ENOSF1: variants seen among roughly 807,000 people sequenced by gnomAD.
ENOSF1 encodes enolase superfamily member 1.
ENOSF1 carries 73 observed loss-of-function variants against 68.2 expected under a neutral mutation model. The observed-to-expected ratio is 1.07, with a 90% CI of 0.89 to 1.30. ENOSF1 has a LOEUF of 1.30. Among genes scored for constraint, ENOSF1 ranks in the 50% most tolerant of loss-of-function variants. ENOSF1 has a pLI of 0.00. For missense variants in ENOSF1, 589 were observed against 554.5 expected (o/e 1.06, Z -0.62); for synonymous variants, 223 against 210.4 (o/e 1.06, Z -0.52).
chr18:680,416 T>C (rs1382853724), intron 11 of ENOSF1, among the ~76,000 whole-genome samples: 1 of 152,230 alleles, frequency 6.6e-6, no homozygotes, highest in Non-Finnish European at 1.5e-5. Flanking sequence ...ATTTGACTTA[T>C]TTGTTCTACC....
At position 693,311 on chromosome 18, in the gene ENOSF1, G is replaced by A. The variant is rs536441122; in HGVS notation, c.423+571C>T. 9 of 1,234,226 alleles carry A rather than the reference G, an allele frequency of 7.3e-6. No homozygotes were observed. In the African/African-American group the frequency reaches 1.1e-4, roughly 15 times the overall value. The allele number at this position is 1,234,226 out of a possible 1,614,324, so 76.5% of individuals were successfully genotyped here. On this transcript the variant is annotated intron_variant, in intron 5 of 15. Transcript: ENST00000647584. The stretch of plus-strand genomic sequence containing the variant: ...TCTTATTCTTGGTGTCAAAGTGACT[G>A]GATAGTATCTTTTCTTTTTTCTTTT...
rs1347495705 is a variant in ENOSF1, at chr18:703,853, T to G, written c.193+2617A>C. The stretch of plus-strand genomic sequence containing the variant: ...TTGGAGGTGGATTTCTCCTGAATGG[T>G]TTAGCACTATCCCATTGGTACTGTC... On this transcript the variant is annotated intron_variant, in intron 2 of 15. Coordinates refer to ENST00000647584, the MANE Select transcript of ENOSF1 (RefSeq NM_017512.7). 3.9e-5 allele frequency among the ~76,000 whole-genome samples: 6 copies of G among 152,220 alleles called. No individual in the cohort carries two copies. In the East Asian group the frequency reaches 1.2e-3, roughly 29 times the overall value.
downstream of ENOSF1, among the ~76,000 whole-genome samples, chr18:665,493 G>GT (rs1216752407): frequency 1.4e-5 from 2 of 144,592 alleles, no homozygotes; most frequent in African/African-American, 2.6e-5. Context: ...TTTTTGAAGG[G>GT]TTTTTTGTGT....
At position 683,392 on chromosome 18, in the gene ENOSF1, G is replaced by C. The variant is rs2076291469; in HGVS notation, c.742-12C>G. On this transcript the variant is annotated splice_polypyrimidine_tract_variant and intron_variant, in intron 10 of 15. Coordinates refer to ENST00000647584, the MANE Select transcript of ENOSF1 (RefSeq NM_017512.7). ...TTGGCATCCATCATCTGCAAAAAGA[G>C]ACTCTTCACAGGGAGGTCAGCCCTG... The C allele has an allele frequency of 6.2e-7, 1 of 1,613,998 alleles. No homozygotes were observed. The highest frequency in any genetic ancestry group is 8.5e-7 in the Non-Finnish European group (1 of 1,179,990).
At chr18:702,634 G>A (rs1420691792) in intron 2 of ENOSF1, among the ~76,000 whole-genome samples, 1 of 152,068 alleles carries the variant, frequency 6.6e-6, no homozygotes, top group African/African-American at 2.4e-5. Context: ...CAGCTACTCG[G>A]GAAGGTGAGG....
downstream of ENOSF1, among the ~76,000 whole-genome samples, chr18:667,553 A>C (rs74708071): frequency 4.3e-3 from 80 of 18,430 alleles, 3 homozygotes; most frequent in African/African-American, 9.8e-3. Flanking sequence ...ATGGTGATGG[A>C]GATGGTGATG....
chr18:706,551 A>G lies in ENOSF1; in HGVS notation c.112T>C (p.Tyr38His). The G allele has an allele frequency of 6.2e-7, 1 of 1,613,800 alleles. No individual in the cohort carries two copies. The highest frequency in any genetic ancestry group is 8.5e-7 in the Non-Finnish European group (1 of 1,179,876). Reference protein sequence around the residue: ...MHTDPDYSAAYVVIETDAEDG... With the variant: ...MHTDPDYSAAHVVIETDAEDG... The stretch of plus-strand genomic sequence containing the variant: ...TCTGCATCAGTTTCTATGACGACAT[A>G]GGCAGCCGAGTAGTCAGGGTCCGTG... Residue 38 changes from tyrosine (Y) to histidine (H), a missense_variant, in exon 2 of 16, where the codon TAT becomes CAT. Physicochemically the swap from Tyr to His is moderately conservative, Grantham distance 83. Transcript: ENST00000647584.
At chr18:682,443 C>T (rs192789822) in intron 11 of ENOSF1, among the ~76,000 whole-genome samples, 3 of 152,266 alleles carry the variant, frequency 2.0e-5, no homozygotes, top group Non-Finnish European at 2.9e-5. Flanking sequence ...ATGAGTTTTT[C>T]AGCTCCATTA....
At chr18:667,047 T>C (rs867970977), downstream of ENOSF1, among the ~76,000 whole-genome samples, 8 of 28,092 alleles carry the variant, frequency 2.8e-4, 1 homozygote, top group East Asian at 2.1e-3. Flanking sequence ...ATGGTGATGG[T>C]GATGGAGATG....
downstream of ENOSF1, chr18:669,246 G>A (rs2074930883): frequency 7.7e-7 from 1 of 1,307,132 alleles, no homozygotes; most frequent in South Asian, 1.3e-5. Context: ...TTTGTGCAGA[G>A]GCACCTGAGG....
chr18:690,702 A>AAGCTGTTCCCCCTGGAGAGTCC (rs1568074748), intron 7 of ENOSF1, 71 bp from the exon 8 acceptor site: 1 of 1,579,590 alleles, frequency 6.3e-7, no homozygotes, highest in Admixed American at 1.8e-5. Context: ...GCCTGTAGCT[A>AAGCTGTTCCCCCTGGAGAGTCC]AGCTGTTTCC....
downstream of ENOSF1, among the ~76,000 whole-genome samples, chr18:669,967 A>AAAC (rs921598678): frequency 5.9e-5 from 9 of 151,940 alleles, no homozygotes; most frequent in East Asian, 1.9e-4. Flanking sequence ...GAATATTTAA[A>AAAC]AACAACAACA....
chr18:693,267 A>G, intron 5 of ENOSF1: 1 of 1,286,506 alleles, frequency 7.8e-7, no homozygotes, highest in South Asian at 1.2e-5. Context: ...ATTGTACAGT[A>G]GAGGCTACAA....
Position 682,715 on chromosome 18 carries a change from C to CAAA in ENOSF1, c.876+528_876+530dup, listed in dbSNP as rs35814994. Among the ~76,000 whole-genome samples, 951 of 56,600 alleles carry CAAA rather than the reference C, an allele frequency of 0.017. 42 individuals carry two copies. The East Asian group carries it at 0.24, about 14-fold the overall frequency. 37.1% of individuals were successfully genotyped at this position (56,600 alleles called of 152,430 possible). A position where few individuals can be genotyped will look rare whatever the true frequency, so the allele number is the denominator to read the frequency against. ...GAAACCTCATCTCTACTAAAAATAC[C>CAAA]AAAAAAAAAAAAAAAAAAAAAGCCA... On this transcript the variant is annotated intron_variant, in intron 11 of 15. Coordinates refer to ENST00000647584, the MANE Select transcript of ENOSF1 (RefSeq NM_017512.7).
chr18:691,728 C>G (rs1235180065), intron 5 of ENOSF1: 1 of 162,636 alleles, frequency 6.1e-6, no homozygotes, highest in African/African-American at 2.4e-5. Context: ...CTCTGTCATT[C>G]CTAAATGTAG....
rs1413177526 is a variant in ENOSF1 at position 671,061 on chromosome 18, C to A, written c.*3244G>T. On this transcript the variant is annotated 3_prime_UTR_variant, in exon 16 of 16. Coordinates refer to ENST00000647584, the MANE Select transcript of ENOSF1 (RefSeq NM_017512.7). ...GTTTTCTGGCCCTGTGGTATACGCA[C>A]TAACAGATCTATACAGGTTGTTTGT... 7 of 647,590 alleles carry A rather than the reference C, an allele frequency of 1.1e-5. No individual in the cohort carries two copies. In the Admixed American group the frequency reaches 2.1e-4, roughly 19 times the overall value. The allele number at this position is 647,590 out of a possible 1,614,324, so 40.1% of individuals were successfully genotyped here. A position where few individuals can be genotyped will look rare whatever the true frequency, so the allele number is the denominator to read the frequency against.
downstream of ENOSF1, among the ~76,000 whole-genome samples, chr18:667,157 ATGGAGATGGT>A (rs1567990105): frequency 3.1e-5 from 3 of 95,542 alleles, no homozygotes; most frequent in Non-Finnish European, 5.9e-5. Flanking sequence ...GGTGATGGTG[ATGGAGATGGT>A]GATGGTGATG....
chr18:679,017 G>A (rs571320698), intron 11 of ENOSF1, among the ~76,000 whole-genome samples: 118 of 152,124 alleles, frequency 7.8e-4, no homozygotes, highest in Non-Finnish European at 1.4e-3. Context: ...TGCTCCAGCT[G>A]CGCTCCTCCC....
intron 1 of ENOSF1, among the ~76,000 whole-genome samples, chr18:711,770 A>C (rs2079576811): frequency 6.6e-6 from 1 of 152,176 alleles, no homozygotes; most frequent in African/African-American, 2.4e-5. Flanking sequence ...TGACATTTGC[A>C]TCAGTCCTTT....
Sources: gnomAD v4.1 joint callset for allele counts (sites outside exome capture counted in the v4.1 genomes callset) on GRCh38, gnomAD v4.1.1 for gene constraint, MANE v1.5 for transcripts, NCBI Gene and HGNC (gene_info 2026-07-23, HGNC 2026-07-21) for gene names.